The following KLK8 variants were observed in gnomAD, a reference collection of about 807,000 sequenced individuals.
KLK8 encodes the protein kallikrein related peptidase 8.
In KLK8, 18 loss-of-function variants were observed where a neutral mutation model predicts 26.7. That is an observed-to-expected ratio of 0.67 (90% CI 0.47 to 1.00). KLK8 has a LOEUF of 1.00. Among genes scored for constraint, KLK8 ranks in the 50% least tolerant of loss-of-function variants. The pLI, the probability that KLK8 is intolerant of heterozygous loss-of-function variation, is 0.00. For synonymous variants in KLK8, 137 were observed against 127.1 expected (o/e 1.08, Z -0.52); for missense variants, 301 against 331.7 (o/e 0.91, Z 0.72).
intron 5 of KLK8, among the ~76,000 whole-genome samples, chr19:50,998,479 C>T (rs777801137): frequency 4.0e-4 from 61 of 152,118 alleles, no homozygotes; most frequent in Non-Finnish European, 7.8e-4. Context: ...GTATATCCAG[C>T]GCCTGCAACA....
At chr19:50,997,975 A>G in intron 5 of KLK8, 91 bp from the exon 5 acceptor site, 1 of 1,525,060 alleles carries the variant, frequency 6.6e-7, no homozygotes, top group Non-Finnish European at 8.9e-7. Context: ...TCCAGGATGT[A>G]ATGGGGGAGT....
intron 5 of KLK8, among the ~76,000 whole-genome samples, chr19:50,998,333 C>A (rs544770724): frequency 2.0e-4 from 30 of 152,320 alleles, no homozygotes; most frequent in African/African-American, 7.2e-4. Flanking sequence ...TACTCCCTAT[C>A]CTTTTACGCT....
At chr19:51,000,823 C>A in intron 3 of KLK8, 1 of 1,149,708 alleles carries the variant, frequency 8.7e-7, no homozygotes, top group Non-Finnish European at 1.2e-6. Context: ...GCCCCGAGTA[C>A]TCCCAGGTGA....
exon 3 of KLK8, chr19:51,001,107 C>T: frequency 1.2e-6 from 2 of 1,612,382 alleles, no homozygotes; most frequent in Non-Finnish European, 1.7e-6. Context: ...CCTGCCCAGG[C>T]TCCCCCCAGC....
chr19:50,999,883 G>T, intron 5 of KLK8, 113 bp downstream of exon 4: 1 of 1,127,332 alleles, frequency 8.9e-7, no homozygotes, highest in Non-Finnish European at 1.2e-6. Flanking sequence ...TCAACATCAT[G>T]ATCACTTTCC....
intron 6 of KLK8, among the ~76,000 whole-genome samples, chr19:50,997,309 G>A (rs1338113963): frequency 6.6e-5 from 10 of 152,114 alleles, no homozygotes; most frequent in African/African-American, 1.4e-4. Flanking sequence ...ACAGGAGAAG[G>A]GAACCAGCCT....
rs749947695 is a variant in KLK8, at chr19:50,999,955, C to T, written c.493+41G>A. 9 of 1,552,396 alleles carry T rather than the reference C, an allele frequency of 5.8e-6. No individual in the cohort carries two copies. The African/African-American group carries it at 9.5e-5, about 16-fold the overall frequency. Reference sequence around the variant, plus strand: ...ATAGCTTGGGTTCCACTGGGCCAACCAGCTCCTCCTCTCCCTCCCATTAGT... The same window carrying T: ...ATAGCTTGGGTTCCACTGGGCCAACTAGCTCCTCCTCTCCCTCCCATTAGT... On this transcript the variant is annotated intron_variant, in intron 5 of 6. Coordinates refer to ENST00000600767, the Ensembl canonical transcript of KLK8.
Position 50,997,718 on chromosome 19 carries a change from T to C in KLK8, c.627+33A>G, listed in dbSNP as rs1243591494. 2.5e-6 allele frequency: 4 copies of C among 1,612,510 alleles called. No homozygotes were observed. The Admixed American group carries it at 6.7e-5, about 27-fold the overall frequency. Reference sequence around the variant, plus strand: ...TGAACCTCGAGAGGGCAATGAGGGATGTGTGAGGAGAAGGATTTCAGAAAT... The same window carrying C: ...TGAACCTCGAGAGGGCAATGAGGGACGTGTGAGGAGAAGGATTTCAGAAAT... On this transcript the variant is annotated intron_variant, in intron 6 of 6. Coordinates refer to ENST00000600767, the Ensembl canonical transcript of KLK8.
intron 3 of KLK8, 139 bp from the exon 3 acceptor site, chr19:51,000,722 C>A: frequency 2.0e-6 from 3 of 1,528,962 alleles, no homozygotes; most frequent in Non-Finnish European, 2.6e-6. Flanking sequence ...CCACACGCTG[C>A]CACACGGGGA....
At chr19:50,999,916 A>C in intron 5 of KLK8, 80 bp downstream of exon 4, 1 of 1,435,118 alleles carries the variant, frequency 7.0e-7, no homozygotes, top group Non-Finnish European at 9.4e-7. Context: ...CCTCTGGGGG[A>C]CCAAGCTTTG....
chr19:50,996,893 GACACACACACACACACAC>G (rs368604260), intron 6 of KLK8, among the ~76,000 whole-genome samples: 95 of 81,296 alleles, frequency 1.2e-3, no homozygotes, highest in Non-Finnish European at 8.0e-4. Flanking sequence ...GATTCTTATG[GACACACACACACACACAC>G]ACACACACAC....
intron 5 of KLK8, 113 bp from the exon 5 acceptor site, chr19:50,997,997 A>T: frequency 7.4e-7 from 1 of 1,353,960 alleles, no homozygotes; most frequent in Non-Finnish European, 1.0e-6. Context: ...TTCCAGCTGC[A>T]TGGGGGAATT....
In KLK8 at chr19:50,996,850, A is replaced by T. The variant is rs374357688; in HGVS notation, c.628-636T>A. 6.0e-5 allele frequency among the ~76,000 whole-genome samples: 9 copies of T among 151,052 alleles called. No homozygotes were observed. The South Asian group carries it at 1.9e-3, about 32-fold the overall frequency. On this transcript the variant is annotated intron_variant, in intron 6 of 6. Transcript: ENST00000600767. ...CTGGCCAATAGTGAAGGCATCATTG[A>T]TTGCAGTTGCCAAACATAGGAGAAA...
intron 3 of KLK8, 135 bp from the exon 3 acceptor site, chr19:51,000,718 G>T: frequency 6.5e-7 from 1 of 1,530,748 alleles, no homozygotes. Context: ...GCTTCCACAC[G>T]CTGCCACACG....
chr19:51,000,963 G>A, intron 3 of KLK8, 135 bp downstream of exon 2: 1 of 882,914 alleles, frequency 1.1e-6, no homozygotes, highest in Non-Finnish European at 1.7e-6. Flanking sequence ...GCCCACAGAG[G>A]CTCCTGCACC....
exon 3 of KLK8, chr19:51,001,124 A>G: frequency 6.2e-7 from 1 of 1,613,506 alleles, no homozygotes; most frequent in Non-Finnish European, 8.5e-7. Flanking sequence ...CAGCAAGAGC[A>G]GGAACATCCA....
intron 2 of KLK8, 49 bp from the exon 2 acceptor site, chr19:51,001,224 G>A: frequency 6.5e-7 from 1 of 1,539,382 alleles, no homozygotes; most frequent in East Asian, 2.3e-5. Flanking sequence ...AGGAGCCTGA[G>A]CTCCCAGTTC....
intron 3 of KLK8, 146 bp from the exon 3 acceptor site, chr19:51,000,729 G>T: frequency 2.6e-6 from 4 of 1,525,270 alleles, no homozygotes; most frequent in Non-Finnish European, 3.5e-6. Flanking sequence ...CTGCCACACG[G>T]GGACACTCAT....
At chr19:50,998,792 G>C (rs2122322413) in intron 5 of KLK8, among the ~76,000 whole-genome samples, 1 of 152,250 alleles carries the variant, frequency 6.6e-6, no homozygotes, top group Non-Finnish European at 1.5e-5. Context: ...CTGAGCACTA[G>C]GAGAACACAA....
Sources: gnomAD v4.1 joint callset for allele counts (sites outside exome capture counted in the v4.1 genomes callset) on GRCh38, gnomAD v4.1.1 for gene constraint, MANE v1.5 for transcripts, NCBI Gene and HGNC (gene_info 2026-07-23, HGNC 2026-07-21) for gene names.